PRKCZ: variants seen among roughly 807,000 people sequenced by gnomAD.
The protein encoded by PRKCZ is protein kinase C zeta type.
In PRKCZ, 33 loss-of-function variants were observed where a neutral mutation model predicts 79.5. The ratio of observed to expected loss-of-function variants is 0.41; its 90% CI spans 0.31 to 0.55. The LOEUF (loss-of-function observed/expected upper bound fraction) is 0.55, where lower values mean the gene tolerates loss of function less well. Among genes scored for constraint, PRKCZ ranks in the 20% least tolerant of loss-of-function variants. PRKCZ has a pLI of 0.19. For missense variants in PRKCZ, 578 were observed against 813.5 expected, an observed-to-expected ratio of 0.71 and a Z score of 3.52; for synonymous variants, 342 against 320.9, an observed-to-expected ratio of 1.07 and a Z score of -0.70.
intron 10 of PRKCZ, among the ~76,000 whole-genome samples, chr1:2,164,920 C>T (rs1683038382): frequency 6.6e-6 from 1 of 152,122 alleles, no homozygotes; most frequent in African/African-American, 2.4e-5. Context: ...TGCTCAACTT[C>T]ACCCCAGGCC....
chr1:2,086,730 C>T (rs1295414944), intron 4 of PRKCZ, among the ~76,000 whole-genome samples: 5 of 152,346 alleles, frequency 3.3e-5, no homozygotes, highest in Non-Finnish European at 5.9e-5. Context: ...GTGCAGTTCC[C>T]GCGGCAGCTC....
intron 9 of PRKCZ, among the ~76,000 whole-genome samples, chr1:2,155,274 GTGGTGA>G (rs1680741497): frequency 6.8e-6 from 1 of 147,334 alleles, no homozygotes; most frequent in African/African-American, 2.6e-5. Context: ...GATGACGGTG[GTGGTGA>G]TGATGATGGT....
chr1:2,088,037 C>T (rs1664840693), intron 4 of PRKCZ, among the ~76,000 whole-genome samples: 1 of 152,204 alleles, frequency 6.6e-6, no homozygotes, highest in Admixed American at 6.5e-5. Flanking sequence ...GGCGGCAGAG[C>T]CCATCCTGAA....
intron 4 of PRKCZ, among the ~76,000 whole-genome samples, chr1:2,085,616 T>A (rs1039135183): frequency 6.6e-5 from 10 of 150,724 alleles, no homozygotes; most frequent in African/African-American, 2.4e-4. Flanking sequence ...TCAGAGCCCG[T>A]GAGGCACCGT....
rs191176871 is a variant in PRKCZ at position 2,145,524 on chromosome 1, T to G, written c.553-503T>G. 191 of 153,938 alleles carry G rather than the reference T, an allele frequency of 1.2e-3. 1 individual carries two copies. The highest frequency in any genetic ancestry group is 6.8e-3 in the Middle Eastern group (2 of 296). The allele number at this position is 153,938 out of a possible 1,614,324, so 9.5% of individuals were successfully genotyped here. A position where few individuals can be genotyped will look rare whatever the true frequency, so the allele number is the denominator to read the frequency against. Reference sequence around the variant, plus strand: ...TGCAGAATCATAGGTAATGTTTATGTTCTTTATCTAATTCAGTAAAATAGC... The same window carrying G: ...TGCAGAATCATAGGTAATGTTTATGGTCTTTATCTAATTCAGTAAAATAGC... On this transcript the variant is annotated intron_variant, in intron 6 of 17. Coordinates refer to ENST00000378567, the MANE Select transcript of PRKCZ (RefSeq NM_002744.6).
chr1:2,176,345 G>A (rs545767037), intron 16 of PRKCZ, among the ~76,000 whole-genome samples: 40 of 152,230 alleles, frequency 2.6e-4, no homozygotes, highest in African/African-American at 8.9e-4. Flanking sequence ...CCGCTTGGTC[G>A]TGGGTTCTGT....
At chr1:2,048,685 G>C (rs1161542142), upstream of PRKCZ, among the ~76,000 whole-genome samples, 2 of 152,170 alleles carry the variant, frequency 1.3e-5, no homozygotes, top group Non-Finnish European at 2.9e-5. Context: ...GGTGAGTGTT[G>C]GTTGGGAGCT....
Position 2,135,280 on chromosome 1 carries a change from G to T in PRKCZ, c.353G>T (p.Gly118Val). The T allele has an allele frequency of 6.2e-7, 1 of 1,613,182 alleles. No individual in the cohort carries two copies. Among genetic ancestry groups the T allele is most frequent in the East Asian group, 2.2e-5 (1 of 44,874 alleles). ...PGEDKSIYRR[G>V]ARRWRKLYRA... ...TTTCCAGAATCTATCTACCGCCGGG[G>T]AGCCAGAAGATGGAGGAAGCTGTAC... is the stretch of plus-strand genomic sequence containing the variant. The change falls in exon 5 of 18, where the codon GGA becomes GTA. Residue 118 changes from glycine to valine, a missense_variant. Physicochemically the swap from Gly to Val is moderately radical, Grantham distance 109. Coordinates refer to ENST00000378567, the MANE Select transcript of PRKCZ (RefSeq NM_002744.6).
chr1:2,147,916 G>C (rs1015219819), intron 7 of PRKCZ, among the ~76,000 whole-genome samples: 1 of 149,552 alleles, frequency 6.7e-6, no homozygotes, highest in East Asian at 2.0e-4. Flanking sequence ...TCCGTCTGTT[G>C]TCCACTGACC....
chr1:2,152,039 C>T (rs138375870), intron 9 of PRKCZ, among the ~76,000 whole-genome samples: 4 of 152,132 alleles, frequency 2.6e-5, no homozygotes, highest in African/African-American at 7.2e-5. Context: ...TTTGTAGAGA[C>T]GGGGTTCCAC....
chr1:2,061,515 C>T (rs189822325), intron 4 of PRKCZ, among the ~76,000 whole-genome samples: 1 of 152,214 alleles, frequency 6.6e-6, no homozygotes, highest in African/African-American at 2.4e-5. Flanking sequence ...GGCCAAGCCC[C>T]GAGGAAGGAC....
chr1:2,156,583 C>T (rs970510610), intron 10 of PRKCZ: 1 of 167,608 alleles, frequency 6.0e-6, no homozygotes, highest in Non-Finnish European at 1.3e-5. Flanking sequence ...TGCATTGAGT[C>T]CTCAAGACCA....
chr1:2,180,261 G>T (rs576972041), intron 16 of PRKCZ, among the ~76,000 whole-genome samples: 1 of 152,188 alleles, frequency 6.6e-6, no homozygotes, highest in Non-Finnish European at 1.5e-5. Flanking sequence ...GTGGATCCTC[G>T]GTGGGGCTTT....
At chr1:2,091,902 T>C (rs1665577322) in intron 4 of PRKCZ, among the ~76,000 whole-genome samples, 1 of 152,184 alleles carries the variant, frequency 6.6e-6, no homozygotes, top group Non-Finnish European at 1.5e-5. Flanking sequence ...TCTTTTTCTT[T>C]TACTTTCTTT....
At chr1:2,055,693 C>T (rs1478055086) in intron 2 of PRKCZ, 131 bp downstream of exon 2, 3 of 1,348,600 alleles carry the variant, frequency 2.2e-6, no homozygotes, top group South Asian at 3.1e-5. Context: ...TTGTTGGCGC[C>T]AACTTTTCCC....
At chr1:2,159,844 CA>C (rs1437966570) in intron 10 of PRKCZ, among the ~76,000 whole-genome samples, 4 of 152,154 alleles carry the variant, frequency 2.6e-5, no homozygotes, top group Admixed American at 1.3e-4. Context: ...ATAAAGTCTC[CA>C]AAACGAGAAA....
At chr1:2,053,145 G>T (rs1659843890) in intron 1 of PRKCZ, among the ~76,000 whole-genome samples, 1 of 147,502 alleles carries the variant, frequency 6.8e-6, no homozygotes, top group Admixed American at 6.8e-5. Context: ...TCGCTGTGTT[G>T]CCCAGGCTGC....
intron 4 of PRKCZ, among the ~76,000 whole-genome samples, chr1:2,069,654 G>T (rs1412663657): frequency 1.3e-5 from 2 of 152,284 alleles, no homozygotes; most frequent in Admixed American, 1.3e-4. Flanking sequence ...GGTGGGTGGT[G>T]GGCGGTCCCC....
rs776602514 is a variant in PRKCZ at position 2,071,321 on chromosome 1, C to T, written c.334+11730C>T. 9.2e-5 allele frequency: 43 copies of T among 467,028 alleles called. No individual in the cohort carries two copies. In the East Asian group the frequency reaches 2.2e-3, roughly 23 times the overall value. The allele number at this position is 467,028 out of a possible 1,614,324, so 28.9% of individuals were successfully genotyped here. A position where few individuals can be genotyped will look rare whatever the true frequency, so the allele number is the denominator to read the frequency against. ...CAGGGAGGGTCAAGTGGGAAGAGAG[C>T]GGCCCCACCGAGTGTGTTCCAGGCC... On this transcript the variant is annotated intron_variant, in intron 4 of 17. Transcript: ENST00000378567.
Sources: gnomAD v4.1 joint callset for allele counts (sites outside exome capture counted in the v4.1 genomes callset) on GRCh38, gnomAD v4.1.1 for gene constraint, MANE v1.5 for transcripts, NCBI Gene and HGNC (gene_info 2026-07-23, HGNC 2026-07-21) for gene names.